NTNG1: variants seen among roughly 807,000 people sequenced by gnomAD.
The protein encoded by NTNG1 is netrin G1, also known as netrin-G1.
Under a neutral mutation model 54.0 loss-of-function variants are expected in NTNG1, and 16 were observed. That is an observed-to-expected ratio of 0.30 (90% CI 0.20 to 0.45). The LOEUF (loss-of-function observed/expected upper bound fraction) is 0.45. NTNG1 is among the 20% of genes least tolerant of loss of function. NTNG1 has a pLI of 1.00. For missense variants in NTNG1, 530 were observed against 678.7 expected (o/e 0.78, Z 2.43); for synonymous variants, 255 against 263.1 (o/e 0.97, Z 0.30).
At chr1:107,340,969 G>A (rs1299793443) in intron 3 of NTNG1, among the ~76,000 whole-genome samples, 13 of 152,098 alleles carry the variant, frequency 8.5e-5, no homozygotes, top group African/African-American at 1.7e-4. Context: ...TGAGGCTCAC[G>A]AAATGGTAGC....
chr1:107,465,512 G>A (rs553466120), intron 7 of NTNG1, among the ~76,000 whole-genome samples: 31 of 152,280 alleles, frequency 2.0e-4, no homozygotes, highest in African/African-American at 7.5e-4. Context: ...TTCTATCTAT[G>A]TCTATATCTT....
chr1:107,473,077 C>T (rs1678087981), intron 7 of NTNG1, among the ~76,000 whole-genome samples: 1 of 152,156 alleles, frequency 6.6e-6, no homozygotes. Context: ...CAATTTGGAA[C>T]ATCTTTCTCT....
chr1:107,275,382 AT>A (rs1391507218), intron 2 of NTNG1, among the ~76,000 whole-genome samples: 1 of 152,126 alleles, frequency 6.6e-6, no homozygotes, highest in Non-Finnish European at 1.5e-5. Context: ...CTCAAAAAAA[AT>A]AAATAAATAA....
chr1:107,402,791 T>G (rs759360112), intron 4 of NTNG1, among the ~76,000 whole-genome samples: 5 of 152,118 alleles, frequency 3.3e-5, no homozygotes, highest in Non-Finnish European at 7.4e-5. Context: ...TTCTTCAACT[T>G]GAAGAAGTTT....
At chr1:107,323,194 C>G (rs1667750889) in intron 2 of NTNG1, among the ~76,000 whole-genome samples, 1 of 151,690 alleles carries the variant, frequency 6.6e-6, no homozygotes, top group Non-Finnish European at 1.5e-5. Flanking sequence ...TTCTTTTCAC[C>G]CAGCCATGCT....
intron 2 of NTNG1, among the ~76,000 whole-genome samples, chr1:107,198,946 G>A (rs1439423914): frequency 6.6e-6 from 1 of 151,742 alleles, no homozygotes; most frequent in Non-Finnish European, 1.5e-5. Flanking sequence ...ATGAGACACC[G>A]AAATATTTTA....
intron 2 of NTNG1, among the ~76,000 whole-genome samples, chr1:107,286,551 G>A (rs1157825856): frequency 6.6e-6 from 1 of 152,146 alleles, no homozygotes; most frequent in Non-Finnish European, 1.5e-5. Flanking sequence ...ATTTTCTACA[G>A]ATTATGCAGA....
chr1:107,462,683 C>A (rs186599254), intron 7 of NTNG1, among the ~76,000 whole-genome samples: 33 of 152,276 alleles, frequency 2.2e-4, no homozygotes, highest in African/African-American at 7.5e-4. Context: ...AATATCTCTT[C>A]TAAGGAGAAA....
chr1:107,290,568 T>C (rs977246091), intron 2 of NTNG1, among the ~76,000 whole-genome samples: 1 of 152,130 alleles, frequency 6.6e-6, no homozygotes, highest in Non-Finnish European at 1.5e-5. Flanking sequence ...ATTATATTTG[T>C]TAAGCATTGT....
chr1:107,178,736 G>A (rs1404061183), intron 2 of NTNG1, among the ~76,000 whole-genome samples: 1 of 152,164 alleles, frequency 6.6e-6, no homozygotes, highest in Non-Finnish European at 1.5e-5. Context: ...CTGCTGAAAA[G>A]ACATACTGTT....
chr1:107,261,258 A>G (rs1376366866), intron 2 of NTNG1, among the ~76,000 whole-genome samples: 1 of 152,242 alleles, frequency 6.6e-6, no homozygotes, highest in East Asian at 1.9e-4. Context: ...ATAGTCTAGT[A>G]GGGAATAAAG....
intron 3 of NTNG1, among the ~76,000 whole-genome samples, chr1:107,378,610 T>TGG (rs1671448485): frequency 6.6e-6 from 1 of 152,088 alleles, no homozygotes; most frequent in Non-Finnish European, 1.5e-5. Context: ...AGGGCAGAGC[T>TGG]GGGTATGGAG....
chr1:107,441,891 G>A (rs1675989992), intron 7 of NTNG1, among the ~76,000 whole-genome samples: 1 of 152,018 alleles, frequency 6.6e-6, no homozygotes, highest in African/African-American at 2.4e-5. Context: ...GAGGAGTAAT[G>A]TATGTCAAGC....
chr1:107,426,847 C>T (rs1156713311), intron 5 of NTNG1, among the ~76,000 whole-genome samples: 1 of 151,930 alleles, frequency 6.6e-6, no homozygotes, highest in East Asian at 1.9e-4. Context: ...GTGTTGTCTA[C>T]AATTTCTCCT....
chr1:107,363,093 T>A (rs567901656), intron 3 of NTNG1, among the ~76,000 whole-genome samples: 21 of 152,332 alleles, frequency 1.4e-4, no homozygotes, highest in Middle Eastern at 6.8e-3. Context: ...TTTTTAAAAG[T>A]TAATCAAAGA....
intron 2 of NTNG1, among the ~76,000 whole-genome samples, chr1:107,186,116 G>A (rs1344332588): frequency 6.6e-6 from 1 of 152,088 alleles, no homozygotes; most frequent in African/African-American, 2.4e-5. Flanking sequence ...AACATGTGGT[G>A]TTTGACCTTC....
In NTNG1 at chr1:107,324,554, G is replaced by T. The variant is rs747885972; in HGVS notation, c.519G>T (p.Gln173His). The T allele has an allele frequency of 6.2e-7, 1 of 1,613,730 alleles. No individual in the cohort carries two copies. Among genetic ancestry groups the T allele is most frequent in the South Asian group, 1.1e-5 (1 of 91,074 alleles). ...CTCTCGATTATGGACGAACATGGCA[G>T]CCCTATCAGTATTATGCCACAGACT... The part of the protein sequence containing the change: ...EKSLDYGRTW[Q>H]PYQYYATDCL... The change falls in exon 3 of 8, where the codon CAG (glutamine) becomes CAT (histidine). Residue 173 changes from glutamine (Q) to histidine (H), a missense_variant. Coordinates refer to ENST00000370068, the MANE Select transcript of NTNG1 (RefSeq NM_001113226.3).
rs970819365 is a variant in NTNG1 at position 107,465,895 on chromosome 1, A to T, written c.1391-14716A>T. On this transcript the variant is annotated intron_variant, in intron 7 of 7. Coordinates refer to ENST00000370068, the MANE Select transcript of NTNG1 (RefSeq NM_001113226.3). ...ATATATTCAATTAGATAACAGATGT[A>T]AATGTTTCTGGCCTTTTAATTATAA... Among the ~76,000 whole-genome samples, 5 of 152,212 alleles carry T rather than the reference A, an allele frequency of 3.3e-5. 1 individual carries two copies. Among genetic ancestry groups the T allele is most frequent in the Admixed American group, 3.3e-4 (5 of 15,272 alleles).
intron 2 of NTNG1, among the ~76,000 whole-genome samples, chr1:107,210,784 C>T (rs1659548114): frequency 6.6e-6 from 1 of 152,056 alleles, no homozygotes; most frequent in Non-Finnish European, 1.5e-5. Context: ...TTCATTTGGC[C>T]TCCCTGTGCC....
Sources: allele counts gnomAD v4.1 joint callset (sites outside exome capture counted in the v4.1 genomes callset), GRCh38; gene constraint gnomAD v4.1.1; transcripts MANE v1.5; gene names NCBI Gene and HGNC (gene_info 2026-07-23, HGNC 2026-07-21).